SEM1: variants seen among roughly 807,000 people sequenced by gnomAD.
The protein encoded by SEM1 is 26S proteasome complex subunit SEM1.
A neutral mutation model predicts 12.7 loss-of-function variants in SEM1; 3 were observed. The observed-to-expected ratio is 0.24, with a 90% confidence interval of 0.11 to 0.61. SEM1 has a LOEUF of 0.61. Ranked by LOEUF, SEM1 falls within the 20% of genes least tolerant of loss-of-function variation. The pLI, the probability that SEM1 is intolerant of heterozygous loss-of-function variation, is 0.88. For synonymous variants in SEM1, 30 were observed against 27.8 expected, an observed-to-expected ratio of 1.08 and a Z score of -0.25; for missense variants, 59 against 81.3, an observed-to-expected ratio of 0.73 and a Z score of 1.06.
rs199536837 is a variant in SEM1 at position 96,576,628 on chromosome 7, A to G, written c.171-69930T>C. On this transcript the variant is annotated intron_variant and NMD_transcript_variant, in intron 2 of 3. Transcript: ENST00000466986. Reference sequence around the variant, plus strand: ...GCCTTCTACTATGAACAATAAATACATATTTATTGTTCATACTATGAACTT... The same window carrying G: ...GCCTTCTACTATGAACAATAAATACGTATTTATTGTTCATACTATGAACTT... 2.0e-5 allele frequency among the ~76,000 whole-genome samples: 3 copies of G among 152,198 alleles called. No individual in the cohort carries two copies. In the East Asian group the frequency reaches 5.8e-4, roughly 29 times the overall value.
downstream of SEM1, among the ~76,000 whole-genome samples, chr7:96,620,657 T>G (rs981488083): frequency 5.3e-5 from 8 of 152,188 alleles, no homozygotes; most frequent in Non-Finnish European, 1.0e-4. Flanking sequence ...CCTTACTTAC[T>G]TCTGGTGCTT....
chr7:96,530,440 G>C lies in SEM1; in HGVS notation c.171-23742C>G, dbSNP rs1804604909. On this transcript the variant is annotated intron_variant and NMD_transcript_variant, in intron 2 of 3. Transcript: ENST00000466986. ...CCAAGTCCAGGAAAACAGAGTGAGT[G>C]CTATGATCCCAGGAAGTGGTTGTAA... 2.6e-5 allele frequency among the ~76,000 whole-genome samples: 4 copies of C among 152,074 alleles called. No individual in the cohort carries two copies. In the South Asian group the frequency reaches 8.3e-4, roughly 32 times the overall value.
At chr7:96,706,747 G>A (rs150603713) in intron 1 of SEM1, among the ~76,000 whole-genome samples, 3 of 152,076 alleles carry the variant, frequency 2.0e-5, no homozygotes, top group African/African-American at 4.8e-5. Context: ...CGAACCACCA[G>A]TAACGACTTT....
At chr7:96,514,296 C>T (rs1023724016) in intron 2 of SEM1, among the ~76,000 whole-genome samples, 5 of 151,912 alleles carry the variant, frequency 3.3e-5, no homozygotes, top group South Asian at 2.1e-4. Context: ...CCAGGATAGC[C>T]GTGAACTCCT....
At chr7:96,594,142 GATA>G (rs1266972913) in intron 2 of SEM1, among the ~76,000 whole-genome samples, 1 of 152,060 alleles carries the variant, frequency 6.6e-6, no homozygotes, top group Non-Finnish European at 1.5e-5. Flanking sequence ...TAATTAGTGA[GATA>G]ATGTCAGCCC....
At chr7:96,697,569 A>G (rs1395341374) in intron 1 of SEM1, among the ~76,000 whole-genome samples, 3 of 152,138 alleles carry the variant, frequency 2.0e-5, no homozygotes, top group African/African-American at 7.2e-5. Context: ...TCTATTCTAC[A>G]CCAATTTTCA....
intron 2 of SEM1, among the ~76,000 whole-genome samples, chr7:96,570,687 A>T (rs962097751): frequency 1.3e-5 from 2 of 152,102 alleles, no homozygotes; most frequent in Admixed American, 1.3e-4. Context: ...TTTATAGTAG[A>T]ATGATTTATA....
exon 4 of SEM1, chr7:96,483,778 G>A: frequency 2.0e-6 from 3 of 1,510,956 alleles, no homozygotes; most frequent in Non-Finnish European, 2.7e-6. Context: ...AGAGAGCCAG[G>A]GATATCTGGT....
chr7:96,629,037 T>A (rs1808163146), intron 2 of SEM1, among the ~76,000 whole-genome samples: 1 of 152,210 alleles, frequency 6.6e-6, no homozygotes, highest in African/African-American at 2.4e-5. Context: ...TTGTATGTTG[T>A]TTGTTTCTTT....
In SEM1 at chr7:96,531,550, G is replaced by A. The variant is rs1350808057; in HGVS notation, c.171-24852C>T. ...GTGGGCCCAGAAGGTCAAGACTGCA[G>A]TGAGCCATCATCATGTCACTGCACT... On this transcript the variant is annotated intron_variant and NMD_transcript_variant, in intron 2 of 3. Coordinates refer to the SEM1 transcript ENST00000466986. 2.0e-5 allele frequency among the ~76,000 whole-genome samples: 3 copies of A among 150,288 alleles called. No homozygotes were observed. In the East Asian group the frequency reaches 5.9e-4, roughly 30 times the overall value.
chr7:96,497,995 C>T (rs371873250), upstream of SEM1, among the ~76,000 whole-genome samples: 13 of 152,226 alleles, frequency 8.5e-5, no homozygotes, highest in East Asian at 2.3e-3. Flanking sequence ...AATACAACAT[C>T]TGTAATGAAG....
chr7:96,682,009 A>G (rs1266550616), intron 2 of SEM1, among the ~76,000 whole-genome samples: 1 of 152,090 alleles, frequency 6.6e-6, no homozygotes, highest in East Asian at 1.9e-4. Flanking sequence ...GATTCTTCCA[A>G]TCTATGAGGA....
intron 3 of SEM1, among the ~76,000 whole-genome samples, chr7:96,501,530 T>G (rs1803546686): frequency 6.6e-6 from 1 of 152,148 alleles, no homozygotes; most frequent in South Asian, 2.1e-4. Context: ...TCAATGATGA[T>G]AAGTACATGC....
At chr7:96,705,803 G>A (rs1027357737) in intron 1 of SEM1, among the ~76,000 whole-genome samples, 3 of 150,194 alleles carry the variant, frequency 2.0e-5, no homozygotes, top group Non-Finnish European at 3.0e-5. Flanking sequence ...CTGGGTGACA[G>A]AGCGAGACTC....
At chr7:96,706,780 A>C (rs1790481037) in intron 1 of SEM1, among the ~76,000 whole-genome samples, 1 of 152,088 alleles carries the variant, frequency 6.6e-6, no homozygotes, top group South Asian at 2.1e-4. Flanking sequence ...TCTATACTCC[A>C]AGTTACCCGA....
At chr7:96,655,820 T>C (rs1809163325) in intron 2 of SEM1, among the ~76,000 whole-genome samples, 1 of 152,188 alleles carries the variant, frequency 6.6e-6, no homozygotes, top group Non-Finnish European at 1.5e-5. Context: ...ATTTCCATAA[T>C]GAATATAAAG....
intron 2 of SEM1, among the ~76,000 whole-genome samples, chr7:96,587,954 A>T (rs1806694749): frequency 6.6e-6 from 1 of 152,172 alleles, no homozygotes; most frequent in Non-Finnish European, 1.5e-5. Flanking sequence ...GTACCAATAG[A>T]CCTGGTACCT....
downstream of SEM1, among the ~76,000 whole-genome samples, chr7:96,621,059 T>C (rs569175168): frequency 1.6e-4 from 24 of 152,248 alleles, no homozygotes; most frequent in Non-Finnish European, 3.2e-4. Flanking sequence ...GTATGACCAG[T>C]ATAAAATTTG....
downstream of SEM1, among the ~76,000 whole-genome samples, chr7:96,668,877 C>G (rs1230342836): frequency 3.9e-5 from 6 of 152,078 alleles, no homozygotes; most frequent in African/African-American, 1.4e-4. Flanking sequence ...AGACTAGTGT[C>G]CCTATAAGAA....
Sources: gnomAD v4.1 joint callset for allele counts (sites outside exome capture counted in the v4.1 genomes callset) on GRCh38, gnomAD v4.1.1 for gene constraint, MANE v1.5 for transcripts, NCBI Gene and HGNC (gene_info 2026-07-23, HGNC 2026-07-21) for gene names.